TEX9: variants seen among roughly 807,000 people sequenced by gnomAD.
TEX9 encodes the protein testis expressed 9.
A neutral mutation model predicts 59.6 loss-of-function variants in TEX9; 74 were observed. The observed-to-expected ratio is 1.24, with a 90% CI of 1.03 to 1.51. The LOEUF (loss-of-function observed/expected upper bound fraction) is 1.51, where lower values mean the gene tolerates loss of function less well. TEX9 is among the 40% of genes most tolerant of loss of function. TEX9 has a pLI of 0.00. For missense variants in TEX9, 522 were observed against 447.8 expected (o/e 1.17, Z -1.49); for synonymous variants, 186 against 152.2 (o/e 1.22, Z -1.64).
intron 4 of TEX9, among the ~76,000 whole-genome samples, chr15:56,386,440 C>G (rs538868724): frequency 6.6e-6 from 1 of 151,690 alleles, no homozygotes; most frequent in Non-Finnish European, 1.5e-5. Flanking sequence ...ATATCTCAAA[C>G]CTGAAAAAAA....
chr15:56,314,315 C>T (rs1402283497), intron 1 of TEX9, among the ~76,000 whole-genome samples: 73 of 61,976 alleles, frequency 1.2e-3, no homozygotes, highest in East Asian at 4.8e-3. Context: ...CTACACACTG[C>T]TTTGAATGCG....
At chr15:56,387,527 T>C (rs1396157902) in intron 4 of TEX9, among the ~76,000 whole-genome samples, 1 of 151,934 alleles carries the variant, frequency 6.6e-6, no homozygotes, top group Non-Finnish European at 1.5e-5. Flanking sequence ...AAAAAATTTA[T>C]GCATGGCTAG....
At chr15:56,320,245 AG>A (rs1267004654) in intron 1 of TEX9, among the ~76,000 whole-genome samples, 1 of 152,218 alleles carries the variant, frequency 6.6e-6, no homozygotes, top group Admixed American at 6.5e-5. Flanking sequence ...AAGCTTCTTT[AG>A]GGCAATAGTT....
At chr15:56,334,858 C>T (rs1450686494) in intron 1 of TEX9, among the ~76,000 whole-genome samples, 1 of 151,574 alleles carries the variant, frequency 6.6e-6, no homozygotes, top group Non-Finnish European at 1.5e-5. Context: ...TCTGAATAGA[C>T]ATTTCTCAAA....
chr15:56,447,719 A>G (rs1368005961), downstream of TEX9: 2 of 152,214 alleles, frequency 1.3e-5, no homozygotes, highest in Non-Finnish European at 2.9e-5. Context: ...AAGTTTTTAC[A>G]TATGTATGCA....
In TEX9 at chr15:56,412,301, G is replaced by T; in HGVS notation, c.829-1G>T. On this transcript the variant is annotated splice_acceptor_variant, in intron 9 of 12. Coordinates refer to ENST00000352903, the Ensembl canonical transcript of TEX9. LOFTEE classifies it high-confidence loss of function. ...GTTCCATAATCTTTTTTACTATACA[G>T]GAATTAGAAAATAAAAGAAGACTGC... is the stretch of plus-strand genomic sequence containing the variant. The T allele has an allele frequency of 6.2e-7, 1 of 1,601,594 alleles. No individual in the cohort carries two copies. The highest frequency in any genetic ancestry group is 8.5e-7 in the Non-Finnish European group (1 of 1,176,568).
At chr15:56,354,202 T>C (rs1347765185) in intron 1 of TEX9, among the ~76,000 whole-genome samples, 4 of 152,200 alleles carry the variant, frequency 2.6e-5, no homozygotes, top group African/African-American at 9.6e-5. Context: ...ACATTAATAC[T>C]CAGATGTCAC....
At chr15:56,277,860 G>C (rs1234960541) in intron 1 of TEX9, among the ~76,000 whole-genome samples, 1 of 152,186 alleles carries the variant, frequency 6.6e-6, no homozygotes, top group South Asian at 2.1e-4. Flanking sequence ...CATTTAGGAA[G>C]ATGACATTCC....
intron 1 of TEX9, among the ~76,000 whole-genome samples, chr15:56,319,280 T>A (rs1317756574): frequency 6.6e-6 from 1 of 151,728 alleles, no homozygotes; most frequent in Admixed American, 6.6e-5. Context: ...TAAGACTGTA[T>A]TACTAAGTGG....
At chr15:56,398,385 G>A (rs888055565) in intron 9 of TEX9, 2 of 152,016 alleles carry the variant, frequency 1.3e-5, no homozygotes, top group Admixed American at 6.5e-5. Flanking sequence ...AATTACATAT[G>A]TATTCTGTAT....
intron 1 of TEX9, among the ~76,000 whole-genome samples, chr15:56,347,487 C>G (rs1347099689): frequency 2.6e-5 from 4 of 151,756 alleles, no homozygotes; most frequent in Non-Finnish European, 5.9e-5. Context: ...ATAAATATAG[C>G]CTTTTCAACA....
rs1339784847 is a variant in TEX9 at position 56,412,451 on chromosome 15, A to C, written c.963+15A>C. The C allele has an allele frequency of 5.0e-6, 8 of 1,601,796 alleles. No individual in the cohort carries two copies. The highest frequency in any genetic ancestry group is 6.8e-6 in the Non-Finnish European group (8 of 1,176,750). On this transcript the variant is annotated intron_variant, in intron 10 of 12. Transcript: ENST00000352903. Reference sequence around the variant, plus strand: ...AAAATAACAAGGTATGGAAAAATTGAATAGCTTTTGTAGTGATCCCTTTTG... The same window carrying C: ...AAAATAACAAGGTATGGAAAAATTGCATAGCTTTTGTAGTGATCCCTTTTG...
chr15:56,332,497 A>G (rs1468470931), intron 1 of TEX9, among the ~76,000 whole-genome samples: 1 of 151,170 alleles, frequency 6.6e-6, no homozygotes, highest in African/African-American at 2.4e-5. Flanking sequence ...GAGGGATAGC[A>G]TTGGGAGATA....
intron 1 of TEX9, among the ~76,000 whole-genome samples, chr15:56,252,365 G>T (rs1191511805): frequency 7.1e-6 from 1 of 139,916 alleles, no homozygotes; most frequent in African/African-American, 2.6e-5. Flanking sequence ...GTTGAATTGA[G>T]CTATTAGAAA....
rs1437500437 is a variant in TEX9 at position 56,269,897 on chromosome 15, C to T, written c.-107+25619C>T. Among the ~76,000 whole-genome samples, 3 of 152,052 alleles carry T rather than the reference C, an allele frequency of 2.0e-5. No homozygotes were observed. The East Asian group carries it at 5.8e-4, about 29-fold the overall frequency. ...GGTCTCAAACTCCTGACCTTGTGAT[C>T]CGCCCACCTCGGCCTCCCAAAGTGC... On this transcript the variant is annotated intron_variant, in intron 1 of 5. Transcript: ENST00000560827.
At chr15:56,434,468 G>A (rs2050684710) in intron 12 of TEX9, 1 of 1,448,990 alleles carries the variant, frequency 6.9e-7, no homozygotes, top group East Asian at 2.3e-5. Flanking sequence ...GAGTGATAGA[G>A]TTTGGTTAAA....
intron 12 of TEX9, chr15:56,431,224 G>C: frequency 1.3e-6 from 1 of 754,908 alleles, no homozygotes; most frequent in East Asian, 2.6e-5. Flanking sequence ...TGGGCCCAGA[G>C]AGGTTCAGTG....
intron 8 of TEX9, 136 bp from the exon 9 acceptor site, chr15:56,394,525 G>A (rs1241524908): frequency 2.8e-6 from 2 of 719,866 alleles, no homozygotes; most frequent in African/African-American, 3.6e-5. Context: ...CATTTTTGAA[G>A]ATAAAAATAG....
At chr15:56,442,925 C>T (rs556147591) in intron 12 of TEX9, among the ~76,000 whole-genome samples, 1 of 151,910 alleles carries the variant, frequency 6.6e-6, no homozygotes, top group South Asian at 2.1e-4. Context: ...AAAAAAAAAT[C>T]TTGAACTCTG....
Sources: gnomAD v4.1 joint callset for allele counts (sites outside exome capture counted in the v4.1 genomes callset) on GRCh38, gnomAD v4.1.1 for gene constraint, MANE v1.5 for transcripts, NCBI Gene and HGNC (gene_info 2026-07-23, HGNC 2026-07-21) for gene names.